ACSS3: variants seen among roughly 807,000 people sequenced by gnomAD.
ACSS3 encodes the protein acyl-CoA synthetase short-chain family member 3, mitochondrial.
ACSS3 carries 64 observed loss-of-function variants against 84.2 expected under a neutral mutation model. That is an observed-to-expected ratio of 0.76 (90% CI 0.62 to 0.94). The LOEUF (loss-of-function observed/expected upper bound fraction) is 0.94. Among genes scored for constraint, ACSS3 ranks in the 40% least tolerant of loss-of-function variants. The pLI is 0.00. For missense variants in ACSS3, 815 were observed against 867.6 expected (o/e 0.94, Z 0.76); for synonymous variants, 317 against 310.1 (o/e 1.02, Z -0.23).
intron 12 of ACSS3, among the ~76,000 whole-genome samples, chr12:81,232,681 T>C (rs893958232): frequency 1.3e-5 from 2 of 151,756 alleles, no homozygotes; most frequent in African/African-American, 4.8e-5. Context: ...TCTCAGAAAG[T>C]CTAAGAAACA....
At chr12:81,201,517 A>G (rs1469346445) in intron 9 of ACSS3, among the ~76,000 whole-genome samples, 1 of 152,180 alleles carries the variant, frequency 6.6e-6, no homozygotes, top group African/African-American at 2.4e-5. Flanking sequence ...GGCTTACAAA[A>G]AAGGTCACTG....
At position 81,078,288 on chromosome 12, in the gene ACSS3, C is replaced by G; in HGVS notation, c.168C>G (p.Ser56=). The G allele has an allele frequency of 6.2e-7, 1 of 1,611,844 alleles. No individual in the cohort carries two copies. Among genetic ancestry groups the G allele is most frequent in the East Asian group, 2.2e-5 (1 of 44,822 alleles). Residue 56 remains serine (S), a synonymous_variant, in exon 1 of 16, where the codon TCC becomes TCG. Coordinates refer to ENST00000548058, the MANE Select transcript of ACSS3 (RefSeq NM_024560.4). ...GCCGGGGATGCAGGGCACTGTCCTCCGGCAGTGGCAGCGAGTACAAGACCC... is the reference window on the plus strand; with the variant it reads ...GCCGGGGATGCAGGGCACTGTCCTCGGGCAGTGGCAGCGAGTACAAGACCC... The part of the protein sequence containing the change: ...LGGRGCRALS[S]GSGSEYKTHF...
chr12:81,104,860 TTTTG>T (rs1489674737), intron 1 of ACSS3: 3 of 151,992 alleles, frequency 2.0e-5, no homozygotes, highest in Non-Finnish European at 4.4e-5. Flanking sequence ...AGATTATTAT[TTTTG>T]TTTATTTTTT....
At chr12:81,196,649 G>C (rs558604108) in intron 8 of ACSS3, among the ~76,000 whole-genome samples, 1 of 151,894 alleles carries the variant, frequency 6.6e-6, no homozygotes, top group Non-Finnish European at 1.5e-5. Flanking sequence ...GATGTATTTC[G>C]GCTCATGGGT....
intron 8 of ACSS3, among the ~76,000 whole-genome samples, chr12:81,179,065 T>C (rs957002524): frequency 6.6e-6 from 1 of 152,014 alleles, no homozygotes; most frequent in Admixed American, 6.6e-5. Flanking sequence ...ATTCAATAAA[T>C]GGAGCTAGGA....
chr12:81,081,358 A>G (rs7974451), intron 1 of ACSS3, among the ~76,000 whole-genome samples: 62,164 of 152,108 alleles, frequency 0.41, 14,904 homozygotes, highest in Non-Finnish European at 0.56. Context: ...TCCAAATTAC[A>G]GGTAGGTGCT....
At chr12:81,151,410 A>G (rs1406513019) in intron 5 of ACSS3, among the ~76,000 whole-genome samples, 1 of 152,186 alleles carries the variant, frequency 6.6e-6, no homozygotes, top group East Asian at 1.9e-4. Flanking sequence ...AGCAGCTATT[A>G]TTATTTAATC....
At chr12:81,246,404 T>G (rs2033985774) in intron 13 of ACSS3, among the ~76,000 whole-genome samples, 1 of 152,184 alleles carries the variant, frequency 6.6e-6, no homozygotes, top group Admixed American at 6.5e-5. Flanking sequence ...CAGCAGGCTC[T>G]TAGGGCTTTT....
chr12:81,219,760 A>G (rs143187670), intron 10 of ACSS3, among the ~76,000 whole-genome samples: 101 of 152,230 alleles, frequency 6.6e-4, no homozygotes, highest in Non-Finnish European at 1.1e-3. Flanking sequence ...AGATGAAATT[A>G]CCACGTTTGA....
intron 7 of ACSS3, 70 bp from the exon 8 acceptor site, chr12:81,174,718 A>G (rs1462665341): frequency 2.7e-6 from 4 of 1,460,276 alleles, no homozygotes; most frequent in Admixed American, 1.9e-5. Context: ...TGTTAAATGT[A>G]TAACTATTGA....
rs748303939 is a variant in ACSS3, at chr12:81,253,231, GTATCTA to G, written c.1720-66_1720-61del. The G allele has an allele frequency of 1.1e-4, 161 of 1,423,120 alleles. 1 individual carries two copies. Among genetic ancestry groups the G allele is most frequent in the South Asian group, 8.8e-4 (75 of 85,512 alleles). The allele number at this position is 1,423,120 out of a possible 1,614,324, so 88.2% of individuals were successfully genotyped here. A position where few individuals can be genotyped will look rare whatever the true frequency, so the allele number is the denominator to read the frequency against. The stretch of plus-strand genomic sequence containing the variant: ...TATATGTGTTTGTATATCTATATCT[GTATCTA>G]TATCTATATGTTGAATATACATATA... On this transcript the variant is annotated intron_variant, in intron 13 of 15. Coordinates refer to ENST00000548058, the MANE Select transcript of ACSS3 (RefSeq NM_024560.4).
intron 13 of ACSS3, among the ~76,000 whole-genome samples, chr12:81,236,384 A>G (rs1263512001): frequency 6.6e-6 from 1 of 151,384 alleles, no homozygotes; most frequent in Admixed American, 6.6e-5. Flanking sequence ...TTATTAATCA[A>G]TAGTAATTTT....
intron 9 of ACSS3, among the ~76,000 whole-genome samples, chr12:81,213,618 T>TCC (rs1170825945): frequency 1.3e-4 from 1 of 7,900 alleles, no homozygotes; most frequent in African/African-American, 5.6e-4. Flanking sequence ...TCCCCTCCCC[T>TCC]CCTCCCCTCT....
At chr12:81,084,900 T>C (rs556018730) in intron 1 of ACSS3, among the ~76,000 whole-genome samples, 5 of 152,194 alleles carry the variant, frequency 3.3e-5, no homozygotes, top group African/African-American at 1.2e-4. Context: ...AAAGCCAGAA[T>C]AGCACATTAC....
At chr12:81,195,416 A>C (rs886331541) in intron 8 of ACSS3, among the ~76,000 whole-genome samples, 1 of 152,006 alleles carries the variant, frequency 6.6e-6, no homozygotes, top group African/African-American at 2.4e-5. Context: ...GTTATACTTT[A>C]ACCTACTTTT....
Position 81,253,354 on chromosome 12 carries a change from G to C in ACSS3, c.1767G>C (p.Lys589Asn), listed in dbSNP as rs1191075582. 6.2e-7 allele frequency: 1 copy of C among 1,613,946 alleles called. No homozygotes were observed. Among genetic ancestry groups the C allele is most frequent in the Non-Finnish European group, 8.5e-7 (1 of 1,179,888 alleles). ...GTVADCAVVG[K>N]EDPLKGHVPL... ...TGGCAGACTGTGCTGTTGTTGGCAA[G>C]GAAGATCCCTTAAAAGGTCATGTCC... Residue 589 changes from lysine (K) to asparagine (N), a missense_variant, in exon 14 of 16, where the codon AAG (lysine) becomes AAC (asparagine). By Grantham distance (94) the Lys-to-Asn change is moderately conservative. Transcript: ENST00000548058.
chr12:81,233,574 C>A, intron 13 of ACSS3, 103 bp downstream of exon 13: 1 of 1,418,422 alleles, frequency 7.1e-7, no homozygotes, highest in South Asian at 1.3e-5. Context: ...CCACACCCTT[C>A]ATTTGCAGCA....
intron 5 of ACSS3, among the ~76,000 whole-genome samples, chr12:81,150,441 C>G (rs1013263100): frequency 3.9e-5 from 6 of 152,144 alleles, no homozygotes; most frequent in African/African-American, 1.2e-4. Flanking sequence ...CTCAATAGAA[C>G]AAACTAGCAA....
Position 81,257,364 on chromosome 12 carries a change from CTA to C in ACSS3, c.*2444_*2445del, listed in dbSNP as rs2034340107. On this transcript the variant is annotated 3_prime_UTR_variant, in exon 16 of 16. Coordinates refer to ENST00000548058, the MANE Select transcript of ACSS3 (RefSeq NM_024560.4). ...GCTTAAAATTTGGGAGGAAAAAATT[CTA>C]TTTTACTACTAACCATAAATCACTT... 6.6e-6 allele frequency: 1 copy of C among 152,088 alleles called. No individual in the cohort carries two copies. Among genetic ancestry groups the C allele is most frequent in the Non-Finnish European group, 1.5e-5 (1 of 68,000 alleles). 9.4% of individuals were successfully genotyped at this position (152,088 alleles called of 1,614,324 possible). A position where few individuals can be genotyped will look rare whatever the true frequency, so the allele number is the denominator to read the frequency against.
Sources: allele counts gnomAD v4.1 joint callset (sites outside exome capture counted in the v4.1 genomes callset), GRCh38; gene constraint gnomAD v4.1.1; transcripts MANE v1.5; gene names NCBI Gene and HGNC (gene_info 2026-07-23, HGNC 2026-07-21).